Variants in FAM135B observed in about 807,000 individuals in gnomAD.
FAM135B encodes the protein protein FAM135B.
Under a neutral mutation model 127.7 loss-of-function variants are expected in FAM135B, and 43 were observed. That is an observed-to-expected ratio of 0.34 (90% CI 0.26 to 0.43). The LOEUF is 0.43. FAM135B is among the 20% of genes least tolerant of loss of function. The probability of loss-of-function intolerance (pLI) is 1.00; values close to 1 mark genes in which losing one functional copy is unlikely to be tolerated. For synonymous variants in FAM135B, 670 were observed against 665.1 expected (o/e 1.01, Z -0.11); for missense variants, 1,558 against 1,725.6 (o/e 0.90, Z 1.72).
intron 3 of FAM135B, among the ~76,000 whole-genome samples, chr8:138,266,095 G>A (rs991316104): frequency 2.0e-5 from 3 of 152,128 alleles, no homozygotes; most frequent in Non-Finnish European, 4.4e-5. Context: ...CATGCCGTGG[G>A]CAATGCTCCT....
At chr8:138,177,783 T>C (rs995002617) in intron 10 of FAM135B, among the ~76,000 whole-genome samples, 4 of 152,232 alleles carry the variant, frequency 2.6e-5, no homozygotes, top group Non-Finnish European at 5.9e-5. Context: ...AACCCAGTCA[T>C]GTATGTTCTC....
intron 3 of FAM135B, chr8:138,309,132 C>A (rs1826476237): frequency 2.6e-6 from 1 of 388,038 alleles, no homozygotes; most frequent in Admixed American, 3.0e-5. Flanking sequence ...AAAGTTCAAG[C>A]TGCTCATGTT....
chr8:138,432,171 A>T (rs1835225105), intron 1 of FAM135B, among the ~76,000 whole-genome samples: 1 of 152,178 alleles, frequency 6.6e-6, no homozygotes, highest in Non-Finnish European at 1.5e-5. Flanking sequence ...CTGGACCCCA[A>T]CAGTGTCTGA....
Position 138,241,007 on chromosome 8 carries a change from C to G in FAM135B, c.669+1935G>C, listed in dbSNP as rs1439728589. Among the ~76,000 whole-genome samples, 1 of 152,228 alleles carries G rather than the reference C, an allele frequency of 6.6e-6. No homozygotes were observed. The highest frequency in any genetic ancestry group is 1.5e-5 in the Non-Finnish European group (1 of 68,048). On this transcript the variant is annotated intron_variant, in intron 7 of 19. Coordinates refer to ENST00000395297, the MANE Select transcript of FAM135B (RefSeq NM_015912.4). The surrounding 1 kb of genome is among the most constrained non-coding windows in gnomAD (Gnocchi z 4.8). ...CTGAGGGCCAGCACTGGCTCTGAGA[C>G]TCTTCAGTCTCTACAATGGGGTCTA...
At chr8:138,162,295 G>T (rs886397373) in intron 12 of FAM135B, among the ~76,000 whole-genome samples, 1 of 152,192 alleles carries the variant, frequency 6.6e-6, no homozygotes, top group African/African-American at 2.4e-5. Context: ...GGGGGAGAAG[G>T]CAGGATAAAT....
intron 2 of FAM135B, among the ~76,000 whole-genome samples, chr8:138,347,191 G>T (rs1829479643): frequency 6.6e-6 from 1 of 152,200 alleles, no homozygotes; most frequent in Non-Finnish European, 1.5e-5. Flanking sequence ...TCCTCACTCA[G>T]GGAATGGGAC....
chr8:138,421,598 A>G (rs984273905), intron 1 of FAM135B, among the ~76,000 whole-genome samples: 1 of 152,206 alleles, frequency 6.6e-6, no homozygotes, highest in Admixed American at 6.5e-5. Context: ...AAAGAACTCT[A>G]CAGCAAGAAT....
rs117664126 is a variant in FAM135B at position 138,185,146 on chromosome 8, C to T, written c.874-6456G>A. Among the ~76,000 whole-genome samples, 745 of 152,216 alleles carry T rather than the reference C, an allele frequency of 4.9e-3. 4 individuals carry two copies. Among genetic ancestry groups the T allele is most frequent in the Non-Finnish European group, 6.8e-3 (463 of 68,026 alleles). On this transcript the variant is annotated intron_variant, in intron 9 of 19. Transcript: ENST00000395297. ...ACAGTGACCACAGTGGACAGCCAGTCCCCAAAGCTTTAGTTTCCCCACTAG... is the reference window on the plus strand; with the variant it reads ...ACAGTGACCACAGTGGACAGCCAGTTCCCAAAGCTTTAGTTTCCCCACTAG...
At position 138,167,471 on chromosome 8, in the gene FAM135B, C is replaced by T. The variant is rs183461449; in HGVS notation, c.1258+424G>A. On this transcript the variant is annotated intron_variant, in intron 12 of 19. Coordinates refer to ENST00000395297, the MANE Select transcript of FAM135B (RefSeq NM_015912.4). ...TCGGCCTCCCAAAGTGCTGGGATTACAGGCGCGAGCCACGGCGTCCAGCCT... is the reference window on the plus strand; with the variant it reads ...TCGGCCTCCCAAAGTGCTGGGATTATAGGCGCGAGCCACGGCGTCCAGCCT... Among the ~76,000 whole-genome samples, 14 of 152,298 alleles carry T rather than the reference C, an allele frequency of 9.2e-5. No homozygotes were observed. In the East Asian group the frequency reaches 2.5e-3, roughly 27 times the overall value.
At chr8:138,213,105 G>T (rs1038325692) in intron 7 of FAM135B, among the ~76,000 whole-genome samples, 18 of 152,142 alleles carry the variant, frequency 1.2e-4, no homozygotes, top group African/African-American at 3.9e-4. Context: ...TACTGGCTTT[G>T]TAAATTGTAA....
chr8:138,331,940 A>T (rs1260709125), intron 2 of FAM135B, among the ~76,000 whole-genome samples: 1 of 152,086 alleles, frequency 6.6e-6, no homozygotes, highest in African/African-American at 2.4e-5. Flanking sequence ...CACCCCTAAC[A>T]CCAATCCACA....
chr8:138,481,398 G>A (rs1324067056), intron 1 of FAM135B, among the ~76,000 whole-genome samples: 4 of 152,210 alleles, frequency 2.6e-5, no homozygotes, highest in Non-Finnish European at 5.9e-5. Flanking sequence ...AACTGGAACA[G>A]GATTTTTTGA....
At chr8:138,277,855 C>T (rs982996354) in intron 3 of FAM135B, among the ~76,000 whole-genome samples, 1 of 152,210 alleles carries the variant, frequency 6.6e-6, no homozygotes, top group African/African-American at 2.4e-5. Flanking sequence ...TACACACACT[C>T]CATTCATCAG....
At position 138,291,011 on chromosome 8, in the gene FAM135B, C is replaced by T. The variant is rs368097640; in HGVS notation, c.157+19830G>A. Among the ~76,000 whole-genome samples the T allele has an allele frequency of 7.9e-5, 12 of 152,112 alleles. No individual in the cohort carries two copies. The East Asian group carries it at 9.7e-4, about 12-fold the overall frequency. On this transcript the variant is annotated intron_variant, in intron 3 of 19. Coordinates refer to ENST00000395297, the MANE Select transcript of FAM135B (RefSeq NM_015912.4). ...CTGCCATAGATGAGTGACCAGGAGG[C>T]TCAGGGACCTGGAAGGGGACTTTCT...
intron 1 of FAM135B, among the ~76,000 whole-genome samples, chr8:138,368,752 G>GA (rs1216166021): frequency 6.6e-6 from 1 of 151,920 alleles, no homozygotes; most frequent in Non-Finnish European, 1.5e-5. Flanking sequence ...AAGATGGGAG[G>GA]AAAAAAACAT....
intron 12 of FAM135B, among the ~76,000 whole-genome samples, chr8:138,163,263 C>G (rs1259061328): frequency 1.3e-5 from 2 of 152,152 alleles, no homozygotes; most frequent in East Asian, 3.9e-4. Context: ...CAAAACCAGA[C>G]AATCTGACAA....
At chr8:138,286,140 A>G (rs752804223) in intron 3 of FAM135B, among the ~76,000 whole-genome samples, 15 of 152,266 alleles carry the variant, frequency 9.9e-5, no homozygotes, top group Admixed American at 3.3e-4. Flanking sequence ...AAGAAAATAT[A>G]GAACACTTAA....
At chr8:138,307,552 T>G (rs970505599) in intron 3 of FAM135B, among the ~76,000 whole-genome samples, 1 of 152,134 alleles carries the variant, frequency 6.6e-6, no homozygotes, top group African/African-American at 2.4e-5. Context: ...CCTGCAAGCT[T>G]CCCTTGAATG....
intron 3 of FAM135B, among the ~76,000 whole-genome samples, chr8:138,284,009 T>A (rs907682185): frequency 3.9e-5 from 6 of 152,148 alleles, no homozygotes; most frequent in Middle Eastern, 3.4e-3. Flanking sequence ...TATGTGTGTA[T>A]AGGGTGTGGG....
Sources: gnomAD v4.1 joint callset for allele counts (sites outside exome capture counted in the v4.1 genomes callset) on GRCh38, gnomAD v4.1.1 for gene constraint, Gnocchi (gnomAD v3.1) non-coding constraint, MANE v1.5 for transcripts, NCBI Gene and HGNC (gene_info 2026-07-23, HGNC 2026-07-21) for gene names.